The following SFMBT2 variants were observed in gnomAD, a reference collection of about 807,000 sequenced individuals.
SFMBT2 encodes the protein scm-like with four MBT domains protein 2.
Under a neutral mutation model 110.1 loss-of-function variants are expected in SFMBT2, and 38 were observed. The observed-to-expected ratio is 0.35, with a 90% CI of 0.27 to 0.45. The LOEUF (loss-of-function observed/expected upper bound fraction) is 0.45. Ranked by LOEUF, SFMBT2 falls within the 20% of genes least tolerant of loss-of-function variation. The probability of loss-of-function intolerance (pLI) is 1.00; values close to 1 mark genes in which losing one functional copy is unlikely to be tolerated. For synonymous variants in SFMBT2, 425 were observed against 425.4 expected (o/e 1.00, Z 0.01); for missense variants, 1,011 against 1,094.9 (o/e 0.92, Z 1.08).
chr10:7,217,632 ATTTG>A (rs997180237), intron 11 of SFMBT2, among the ~76,000 whole-genome samples: 2 of 152,176 alleles, frequency 1.3e-5, no homozygotes, highest in African/African-American at 4.8e-5. Context: ...GGACCAATGT[ATTTG>A]TCCCATAAAA....
At position 7,161,223 on chromosome 10, in the gene SFMBT2, C is replaced by T. The variant is rs1837542516; in HGVS notation, c.*2547G>A. Reference sequence around the variant, plus strand: ...AGCTTCCTAGATGGGCTCCAGAGAGCTCCTGGAGGATCCCCTCCCTCCAAC... The same window carrying T: ...AGCTTCCTAGATGGGCTCCAGAGAGTTCCTGGAGGATCCCCTCCCTCCAAC... On this transcript the variant is annotated 3_prime_UTR_variant, in exon 21 of 21. Coordinates refer to ENST00000397167, the MANE Select transcript of SFMBT2 (RefSeq NM_001387889.1). The T allele has an allele frequency of 6.6e-6, 1 of 152,266 alleles. No individual in the cohort carries two copies. 9.4% of individuals were successfully genotyped at this position (152,266 alleles called of 1,614,324 possible).
At chr10:7,279,467 G>C (rs1285528981) in intron 6 of SFMBT2, among the ~76,000 whole-genome samples, 1 of 152,176 alleles carries the variant, frequency 6.6e-6, no homozygotes, top group African/African-American at 2.4e-5. Context: ...CTGCAGTTTT[G>C]ACAGCCTGAC....
At chr10:7,180,064 G>A (rs1485428199) in intron 16 of SFMBT2, among the ~76,000 whole-genome samples, 1 of 152,178 alleles carries the variant, frequency 6.6e-6, no homozygotes, top group African/African-American at 2.4e-5. Context: ...TCACTGGGGG[G>A]CTTGTTGCCC....
chr10:7,346,586 T>C (rs1287147351), intron 4 of SFMBT2, among the ~76,000 whole-genome samples: 1 of 151,866 alleles, frequency 6.6e-6, no homozygotes, highest in Non-Finnish European at 1.5e-5. Context: ...GACTCCCAAA[T>C]GAAGGAAAAA....
chr10:7,180,728 G>A (rs1267215968), intron 16 of SFMBT2, among the ~76,000 whole-genome samples: 2 of 152,042 alleles, frequency 1.3e-5, no homozygotes, highest in Non-Finnish European at 2.9e-5. Context: ...ATGGAAGTGC[G>A]GGAGGGACGC....
chr10:7,193,891 G>A (rs1055070448), intron 15 of SFMBT2, among the ~76,000 whole-genome samples: 3 of 152,202 alleles, frequency 2.0e-5, no homozygotes, highest in African/African-American at 7.2e-5. Context: ...CATAGATCAT[G>A]GTTTATCTCT....
rs142118681 is a variant in SFMBT2, at chr10:7,331,977, C to A, written c.436+35672G>T. On this transcript the variant is annotated intron_variant, in intron 4 of 20. Coordinates refer to ENST00000397167, the MANE Select transcript of SFMBT2 (RefSeq NM_001387889.1). Reference sequence around the variant, plus strand: ...CTGAGCCGAGATCATCACACCATTGCACTACAGTCTCCTGGGCAACAGAAT... The same window carrying A: ...CTGAGCCGAGATCATCACACCATTGAACTACAGTCTCCTGGGCAACAGAAT... Among the ~76,000 whole-genome samples the A allele has an allele frequency of 1.8e-3, 259 of 142,830 alleles. 1 individual carries two copies. The highest frequency in any genetic ancestry group is 6.4e-3 in the African/African-American group (245 of 38,240). 93.7% of individuals were successfully genotyped at this position (142,830 alleles called of 152,430 possible). A position where few individuals can be genotyped will look rare whatever the true frequency, so the allele number is the denominator to read the frequency against.
intron 4 of SFMBT2, among the ~76,000 whole-genome samples, chr10:7,302,015 CAT>C (rs1293982931): frequency 2.6e-5 from 4 of 152,120 alleles, no homozygotes; most frequent in Non-Finnish European, 5.9e-5. Context: ...TGGTCCCAGT[CAT>C]AGGTCCACAA....
At chr10:7,330,300 T>C (rs1843525531) in intron 4 of SFMBT2, among the ~76,000 whole-genome samples, 1 of 152,220 alleles carries the variant, frequency 6.6e-6, no homozygotes, top group Admixed American at 6.5e-5. Context: ...AAGGCTGCTA[T>C]TTTGAGACTT....
At chr10:7,203,265 GC>G (rs1839017393) in intron 12 of SFMBT2, 1 of 223,676 alleles carries the variant, frequency 4.5e-6, no homozygotes, top group Non-Finnish European at 7.5e-6. Flanking sequence ...AGAAATGCAA[GC>G]AAAAATAAAT....
intron 1 of SFMBT2, among the ~76,000 whole-genome samples, chr10:7,393,944 G>C (rs558098079): frequency 2.5e-4 from 38 of 152,214 alleles, no homozygotes; most frequent in Middle Eastern, 3.4e-3. Flanking sequence ...TCTAACTTTG[G>C]GTCGCTGATA....
chr10:7,396,707 C>A (rs921102211), intron 1 of SFMBT2, among the ~76,000 whole-genome samples: 11 of 151,812 alleles, frequency 7.2e-5, no homozygotes, highest in Non-Finnish European at 1.5e-4. Flanking sequence ...CCATGGAATC[C>A]TATGCAGTCA....
At chr10:7,209,999 C>T (rs1283569570) in intron 11 of SFMBT2, among the ~76,000 whole-genome samples, 5 of 152,212 alleles carry the variant, frequency 3.3e-5, no homozygotes, top group African/African-American at 4.8e-5. Context: ...TAAAACTAAA[C>T]AGCAATCAAC....
Position 7,172,753 on chromosome 10 carries a change from T to A in SFMBT2, c.1985-92A>T. ...GAGAGAAAGAAGGGAAACGATTCTTTCATCTGATAGTTCATTTGTGCCTTA... is the reference window on the plus strand; with the variant it reads ...GAGAGAAAGAAGGGAAACGATTCTTACATCTGATAGTTCATTTGTGCCTTA... On this transcript the variant is annotated intron_variant, in intron 17 of 20. Transcript: ENST00000397167. The surrounding 1 kb of genome is among the most constrained non-coding windows in gnomAD (Gnocchi z 4.6). 3 of 1,414,994 alleles carry A rather than the reference T, an allele frequency of 2.1e-6. No homozygotes were observed. The Admixed American group carries it at 7.1e-5, about 34-fold the overall frequency. The allele number at this position is 1,414,994 out of a possible 1,614,324, so 87.7% of individuals were successfully genotyped here. A position where few individuals can be genotyped will look rare whatever the true frequency, so the allele number is the denominator to read the frequency against.
At chr10:7,168,536 G>A (rs765357863) in intron 20 of SFMBT2, among the ~76,000 whole-genome samples, 1 of 152,252 alleles carries the variant, frequency 6.6e-6, no homozygotes, top group Non-Finnish European at 1.5e-5. Flanking sequence ...GGGACTGACA[G>A]ATACGCATCA....
At chr10:7,328,513 C>T (rs1843464822) in intron 4 of SFMBT2, among the ~76,000 whole-genome samples, 1 of 152,200 alleles carries the variant, frequency 6.6e-6, no homozygotes, top group Non-Finnish European at 1.5e-5. Flanking sequence ...GTTCTCATGT[C>T]TATGAACTCT....
At chr10:7,324,157 T>C (rs1485798023) in intron 4 of SFMBT2, among the ~76,000 whole-genome samples, 1 of 152,206 alleles carries the variant, frequency 6.6e-6, no homozygotes, top group Non-Finnish European at 1.5e-5. Flanking sequence ...AGCTCTACAA[T>C]AGTGAGATTT....
intron 1 of SFMBT2, among the ~76,000 whole-genome samples, chr10:7,400,391 G>A (rs113140030): frequency 6.6e-6 from 1 of 152,330 alleles, no homozygotes; most frequent in African/African-American, 2.4e-5. Flanking sequence ...TCTCCAAGCA[G>A]CAGGGTGGAG....
chr10:7,192,176 A>G (rs1838621022), intron 15 of SFMBT2, among the ~76,000 whole-genome samples: 1 of 152,216 alleles, frequency 6.6e-6, no homozygotes, highest in African/African-American at 2.4e-5. Flanking sequence ...AATGTTCAGC[A>G]TAAATTGAAA....
Sources: gnomAD v4.1 joint callset for allele counts (sites outside exome capture counted in the v4.1 genomes callset) on GRCh38, gnomAD v4.1.1 for gene constraint, Gnocchi (gnomAD v3.1) non-coding constraint, MANE v1.5 for transcripts, NCBI Gene and HGNC (gene_info 2026-07-23, HGNC 2026-07-21) for gene names.